The following LRRC7 variants were observed in gnomAD, a reference collection of about 807,000 sequenced individuals.
LRRC7 encodes leucine-rich repeat-containing protein 7.
In LRRC7, 23 loss-of-function variants were observed where a neutral mutation model predicts 175.7. That is an observed-to-expected ratio of 0.13 (90% CI 0.09 to 0.19). The LOEUF (loss-of-function observed/expected upper bound fraction) is 0.19. LRRC7 is among the 10% of genes least tolerant of loss of function. The pLI is 1.00. For missense variants in LRRC7, 1,354 were observed against 1,904.7 expected (o/e 0.71, Z 5.38); for synonymous variants, 685 against 680.9 (o/e 1.01, Z -0.09).
chr1:69,964,199 A>T (rs528993597), intron 8 of LRRC7, among the ~76,000 whole-genome samples: 1 of 152,210 alleles, frequency 6.6e-6, no homozygotes, highest in Non-Finnish European at 1.5e-5. Context: ...TAAAATAGAG[A>T]TAGTAGCTAA....
At chr1:69,734,275 T>C (rs981122828) in intron 2 of LRRC7, among the ~76,000 whole-genome samples, 1 of 151,946 alleles carries the variant, frequency 6.6e-6, no homozygotes, top group African/African-American at 2.4e-5. Context: ...CTGAACACCC[T>C]TTCACACACA....
intron 2 of LRRC7, among the ~76,000 whole-genome samples, chr1:69,723,562 A>G (rs1185853736): frequency 1.3e-5 from 2 of 152,138 alleles, no homozygotes; most frequent in East Asian, 3.9e-4. Context: ...TAAAACCTTC[A>G]TTTTCATGAC....
rs185867814 is a variant in LRRC7 at position 69,670,053 on chromosome 1, T to C, written c.3-8328T>C. Among the ~76,000 whole-genome samples, 169 of 152,336 alleles carry C rather than the reference T, an allele frequency of 1.1e-3. 1 individual carries two copies. Among genetic ancestry groups the C allele is most frequent in the Non-Finnish European group, 1.3e-3 (90 of 68,032 alleles). On this transcript the variant is annotated intron_variant, in intron 1 of 26. Coordinates refer to ENST00000651989, the MANE Select transcript of LRRC7 (RefSeq NM_001370785.2). ...GAATTATCTGTCTAAAGGTCACATA[T>C]CTCTGTGTCTCCAAAGTTGGTCTCT...
intron 1 of LRRC7, among the ~76,000 whole-genome samples, chr1:69,617,917 T>C (rs1340092008): frequency 6.6e-6 from 1 of 152,022 alleles, no homozygotes; most frequent in Non-Finnish European, 1.5e-5. Flanking sequence ...CAAAGCCCCA[T>C]ACATGATGAC....
At chr1:70,082,075 G>T (rs1663249628) in intron 24 of LRRC7, among the ~76,000 whole-genome samples, 1 of 152,154 alleles carries the variant, frequency 6.6e-6, no homozygotes, top group African/African-American at 2.4e-5. Context: ...TGAGAGACAG[G>T]ATTTCAGACT....
intron 1 of LRRC7, among the ~76,000 whole-genome samples, chr1:69,627,163 T>C (rs1029586022): frequency 1.3e-5 from 2 of 152,204 alleles, no homozygotes; most frequent in Non-Finnish European, 2.9e-5. Flanking sequence ...ACTTCCATAA[T>C]GGTTGAACTA....
chr1:69,739,223 A>G (rs1668446514), intron 2 of LRRC7, among the ~76,000 whole-genome samples: 1 of 152,058 alleles, frequency 6.6e-6, no homozygotes, highest in Admixed American at 6.6e-5. Flanking sequence ...AATGAGAGAT[A>G]GAGGGGAGAT....
At chr1:69,571,864 T>C (rs574710003) in intron 1 of LRRC7, among the ~76,000 whole-genome samples, 21 of 152,328 alleles carry the variant, frequency 1.4e-4, no homozygotes, top group Non-Finnish European at 2.5e-4. Context: ...TTACATTTTC[T>C]TTCTTCACAC....
chr1:69,978,331 AG>A (rs1379495943), intron 8 of LRRC7, among the ~76,000 whole-genome samples: 1 of 114,190 alleles, frequency 8.8e-6, no homozygotes, highest in East Asian at 2.9e-4. Flanking sequence ...AGGGAAAGGG[AG>A]GGGAGGGGAG....
chr1:69,834,327 G>A (rs757809492), intron 5 of LRRC7, among the ~76,000 whole-genome samples: 3 of 152,204 alleles, frequency 2.0e-5, no homozygotes, highest in Non-Finnish European at 2.9e-5. Context: ...TTTAGTCATC[G>A]CTGTAACAAA....
chr1:70,137,139 G>T lies in LRRC7; in HGVS notation c.*15252G>T, dbSNP rs572290901. ...AAGGACAAGGCTCAGGTGACAGTGG[G>T]GACGTAAATAACTGCAGTATCATCC... is the stretch of plus-strand genomic sequence containing the variant. On this transcript the variant is annotated 3_prime_UTR_variant, in exon 27 of 27. Transcript: ENST00000651989. Among the ~76,000 whole-genome samples, 27 of 152,246 alleles carry T rather than the reference G, an allele frequency of 1.8e-4. No homozygotes were observed. Among genetic ancestry groups the T allele is most frequent in the Admixed American group, 3.9e-4 (6 of 15,290 alleles).
At chr1:69,737,774 C>T (rs1201430336) in intron 2 of LRRC7, among the ~76,000 whole-genome samples, 1 of 152,098 alleles carries the variant, frequency 6.6e-6, no homozygotes, top group East Asian at 1.9e-4. Flanking sequence ...TGCAATACTG[C>T]CATCTTGTGG....
At chr1:69,613,920 G>A (rs763672156) in intron 1 of LRRC7, among the ~76,000 whole-genome samples, 3 of 151,924 alleles carry the variant, frequency 2.0e-5, no homozygotes, top group Non-Finnish European at 4.4e-5. Flanking sequence ...AGAGAATAAT[G>A]AAAGACAGTT....
intron 1 of LRRC7, among the ~76,000 whole-genome samples, chr1:69,581,207 T>A (rs1338032786): frequency 6.6e-6 from 1 of 152,230 alleles, no homozygotes; most frequent in Non-Finnish European, 1.5e-5. Context: ...TGTGAATTGA[T>A]TGACATTTTT....
intron 8 of LRRC7, among the ~76,000 whole-genome samples, chr1:69,934,909 T>C (rs1281093274): frequency 2.0e-5 from 3 of 152,104 alleles, no homozygotes; most frequent in Non-Finnish European, 4.4e-5. Flanking sequence ...GGCTGTTCTA[T>C]AAAGGAGAGT....
At chr1:69,937,732 A>G (rs1247191844) in intron 8 of LRRC7, among the ~76,000 whole-genome samples, 2 of 152,024 alleles carry the variant, frequency 1.3e-5, no homozygotes, top group African/African-American at 2.4e-5. Flanking sequence ...AAATAGAAAT[A>G]TGAATATAAA....
intron 7 of LRRC7, 95 bp from the exon 8 acceptor site, chr1:69,931,412 A>G (rs1275035048): frequency 1.1e-6 from 1 of 931,524 alleles, no homozygotes; most frequent in African/African-American, 1.6e-5. Flanking sequence ...TGTACTACGC[A>G]ATCAGGTAAA....
At chr1:69,855,767 CT>C (rs1683534180) in intron 7 of LRRC7, among the ~76,000 whole-genome samples, 1 of 152,066 alleles carries the variant, frequency 6.6e-6, no homozygotes, top group African/African-American at 2.4e-5. Flanking sequence ...GTCTAAGTCT[CT>C]TTGTAGTTCT....
At chr1:69,883,356 G>A (rs1268325563) in intron 7 of LRRC7, among the ~76,000 whole-genome samples, 5 of 133,392 alleles carry the variant, frequency 3.7e-5, no homozygotes, top group African/African-American at 1.1e-4. Context: ...GCATTTCTCT[G>A]ATGGCCAATG....
Sources: gnomAD v4.1 joint callset for allele counts (sites outside exome capture counted in the v4.1 genomes callset) on GRCh38, gnomAD v4.1.1 for gene constraint, MANE v1.5 for transcripts, NCBI Gene and HGNC (gene_info 2026-07-23, HGNC 2026-07-21) for gene names.